The following SCNN1B variants were observed in gnomAD, a reference collection of about 807,000 sequenced individuals.
SCNN1B encodes sodium channel epithelial 1 subunit beta.
Under a neutral mutation model 65.3 loss-of-function variants are expected in SCNN1B, and 46 were observed. The observed-to-expected ratio is 0.70, with a 90% CI of 0.56 to 0.90. The LOEUF (loss-of-function observed/expected upper bound fraction) is 0.90. SCNN1B is among the 40% of genes least tolerant of loss of function. The pLI, the probability that SCNN1B is intolerant of heterozygous loss-of-function variation, is 0.00. For synonymous variants in SCNN1B, 349 were observed against 330.6 expected, an observed-to-expected ratio of 1.06 and a Z score of -0.60; for missense variants, 751 against 830.5, an observed-to-expected ratio of 0.90 and a Z score of 1.18.
chr16:23,363,640 CCATCTCCA>C (rs1475440373), intron 4 of SCNN1B, among the ~76,000 whole-genome samples: 2 of 151,934 alleles, frequency 1.3e-5, no homozygotes, highest in Non-Finnish European at 2.9e-5. Flanking sequence ...TAGCAAGACC[CCATCTCCA>C]CAAAAAATTT....
At chr16:23,366,947 G>C (rs1962681502) in intron 4 of SCNN1B, among the ~76,000 whole-genome samples, 1 of 152,224 alleles carries the variant, frequency 6.6e-6, no homozygotes, top group Admixed American at 6.5e-5. Context: ...ATGAACTCCA[G>C]CACACCAGTC....
At position 23,296,184 on chromosome 16, in the gene SCNN1B, T is replaced by G. The variant is rs191635567; in HGVS notation, n.178+12380T>G. 1.7e-3 allele frequency among the ~76,000 whole-genome samples: 260 copies of G among 152,090 alleles called. 4 individuals carry two copies. Among genetic ancestry groups the G allele is most frequent in the Admixed American group, 0.017 (252 of 15,254 alleles). ...TAGAGGCCCCACACTCAGTTCCCCT[T>G]GGGGCAGAAACAAGAGGCCCAGGCT... On this transcript the variant is annotated intron_variant and non_coding_transcript_variant, in intron 2 of 3. Transcript: ENST00000569789.
intron 7 of SCNN1B, 85 bp downstream of exon 7, chr16:23,371,968 C>A: frequency 9.7e-7 from 1 of 1,030,664 alleles, no homozygotes; most frequent in East Asian, 2.4e-5. Flanking sequence ...GAGAGCTGGC[C>A]CCAGCAAGTC....
chr16:23,296,871 G>A (rs550701634), intron 2 of SCNN1B, among the ~76,000 whole-genome samples: 2 of 151,754 alleles, frequency 1.3e-5, no homozygotes, highest in South Asian at 2.1e-4. Flanking sequence ...TTGGTGAGGC[G>A]CACAACTCAG....
intron 1 of SCNN1B, among the ~76,000 whole-genome samples, chr16:23,333,271 G>A (rs1426451987): frequency 2.0e-5 from 3 of 152,332 alleles, no homozygotes; most frequent in East Asian, 3.9e-4. Context: ...GGCAGGCTAG[G>A]TTTAGGTGCA....
At chr16:23,314,651 C>T (rs573013793) in intron 1 of SCNN1B, among the ~76,000 whole-genome samples, 1 of 152,212 alleles carries the variant, frequency 6.6e-6, no homozygotes, top group Non-Finnish European at 1.5e-5. Flanking sequence ...ACATGGCTCT[C>T]GAAGCCTTTG....
chr16:23,343,585 AAGAAAGAAAGAAAGAAAGAAAG>A (rs1567304298), intron 1 of SCNN1B, among the ~76,000 whole-genome samples: 1 of 29,502 alleles, frequency 3.4e-5, no homozygotes, highest in African/African-American at 1.1e-4. Context: ...GAAAAAGAGA[AAGAAAGAAAGAAAGAAAGAAAG>A]AAAGAAAGAA....
chr16:23,296,113 G>A (rs987973823), intron 2 of SCNN1B, among the ~76,000 whole-genome samples: 13 of 151,968 alleles, frequency 8.6e-5, no homozygotes, highest in Non-Finnish European at 1.8e-4. Flanking sequence ...AGGAGAAGTC[G>A]GGCTGAAGGA....
intron 2 of SCNN1B, among the ~76,000 whole-genome samples, chr16:23,294,720 C>T (rs894535439): frequency 5.3e-5 from 8 of 151,972 alleles, no homozygotes; most frequent in Non-Finnish European, 7.4e-5. Context: ...CAGCCAGGCA[C>T]GGTGGCTCAT....
rs193215059 is a variant in SCNN1B at position 23,338,857 on chromosome 16, C to T, written c.-8-9735C>T. ...TTTTGAAATGGCAATGGATTAAAGT[C>T]TTTTGTTAGAACTTTATTGAGACAT... On this transcript the variant is annotated intron_variant, in intron 1 of 12. Transcript: ENST00000343070. 9.6e-3 allele frequency among the ~76,000 whole-genome samples: 1,457 copies of T among 152,298 alleles called. 10 individuals carry two copies. The highest frequency in any genetic ancestry group is 0.014 in the Non-Finnish European group (941 of 68,024).
chr16:23,297,525 C>T (rs140579335), upstream of SCNN1B, among the ~76,000 whole-genome samples: 993 of 152,162 alleles, frequency 6.5e-3, 5 homozygotes, highest in Non-Finnish European at 0.01. Context: ...ACAATGATAT[C>T]GGGACCTAGT....
At chr16:23,296,242 C>T (rs1448493071) in intron 2 of SCNN1B, among the ~76,000 whole-genome samples, 2 of 152,108 alleles carry the variant, frequency 1.3e-5, no homozygotes, top group Non-Finnish European at 2.9e-5. Flanking sequence ...GGGGGCGCCA[C>T]GGGGATCCAG....
At position 23,349,017 on chromosome 16, in the gene SCNN1B, C is replaced by T; in HGVS notation, c.311+107C>T. 3 of 903,498 alleles carry T rather than the reference C, an allele frequency of 3.3e-6. No individual in the cohort carries two copies. In the South Asian group the frequency reaches 4.2e-5, roughly 13 times the overall value. 56.0% of individuals were successfully genotyped at this position (903,498 alleles called of 1,614,324 possible). A position where few individuals can be genotyped will look rare whatever the true frequency, so the allele number is the denominator to read the frequency against. On this transcript the variant is annotated intron_variant, in intron 2 of 12. Transcript: ENST00000343070. ...TCCTTCCTTTCCTTCCTTCTCCTTTCTCTCCTTCTCTTTATTTCTCCCCTT... is the reference window on the plus strand; with the variant it reads ...TCCTTCCTTTCCTTCCTTCTCCTTTTTCTCCTTCTCTTTATTTCTCCCCTT...
intron 1 of SCNN1B, among the ~76,000 whole-genome samples, chr16:23,329,532 C>T (rs1465462220): frequency 6.6e-6 from 1 of 152,200 alleles, no homozygotes; most frequent in African/African-American, 2.4e-5. Context: ...CTGTGAACTA[C>T]ACATTGTTTT....
rs751969143 is a variant in SCNN1B, at chr16:23,371,868, G to A, written c.1137G>A (p.Thr379=). The change falls in exon 7 of 13, where the codon ACG becomes ACA. Residue 379 remains threonine, a synonymous_variant. Coordinates refer to ENST00000343070, the MANE Select transcript of SCNN1B (RefSeq NM_000336.3). ...AAAACTTCTACAGTGACTACAACAC[G>A]ACCTACTCCATCCAGGTGGGAAGGT... is the stretch of plus-strand genomic sequence containing the variant. ...PVQNFYSDYN[T]TYSIQACLRS... The A allele has an allele frequency of 9.9e-6, 16 of 1,613,272 alleles. No individual in the cohort carries two copies. The highest frequency in any genetic ancestry group is 4.5e-5 in the East Asian group (2 of 44,882).
At chr16:23,296,149 G>A (rs759863879) in intron 2 of SCNN1B, among the ~76,000 whole-genome samples, 3 of 152,112 alleles carry the variant, frequency 2.0e-5, no homozygotes. Context: ...TGACCCAGAC[G>A]TACCAGGAGT....
chr16:23,312,907 A>G (rs1961374805), intron 1 of SCNN1B, among the ~76,000 whole-genome samples: 1 of 152,110 alleles, frequency 6.6e-6, no homozygotes, highest in South Asian at 2.1e-4. Context: ...GTGGAGGGGA[A>G]GGAGGCTGCA....
chr16:23,307,402 C>T (rs572802360), intron 1 of SCNN1B, among the ~76,000 whole-genome samples: 1 of 148,812 alleles, frequency 6.7e-6, no homozygotes, highest in Non-Finnish European at 1.5e-5. Context: ...TCACTGCAAC[C>T]TCCACTTCCC....
At chr16:23,377,721 TCTCC>T (rs1338249424) in intron 10 of SCNN1B, among the ~76,000 whole-genome samples, 5 of 7,764 alleles carry the variant, frequency 6.4e-4, no homozygotes, top group Non-Finnish European at 1.2e-3. Flanking sequence ...CCTCCTTCCT[TCTCC>T]CTCCCTCCCC....
Sources: gnomAD v4.1 joint callset for allele counts (sites outside exome capture counted in the v4.1 genomes callset) on GRCh38, gnomAD v4.1.1 for gene constraint, MANE v1.5 for transcripts, NCBI Gene and HGNC (gene_info 2026-07-23, HGNC 2026-07-21) for gene names.